Variants in ARHGAP24 observed in about 807,000 individuals in gnomAD.
ARHGAP24 encodes rho GTPase-activating protein 24.
Under a neutral mutation model 76.4 loss-of-function variants are expected in ARHGAP24, and 50 were observed. That is an observed-to-expected ratio of 0.65 (90% CI 0.52 to 0.83). The LOEUF (loss-of-function observed/expected upper bound fraction) is 0.83. Among genes scored for constraint, ARHGAP24 ranks in the 40% least tolerant of loss-of-function variants. The probability of loss-of-function intolerance (pLI) is 0.00; values close to 1 mark genes in which losing one functional copy is unlikely to be tolerated. For missense variants in ARHGAP24, 930 were observed against 914.2 expected (o/e 1.02, Z -0.22); for synonymous variants, 345 against 323.3 (o/e 1.07, Z -0.72).
chr4:85,921,817 C>A (rs1735734459), intron 3 of ARHGAP24, among the ~76,000 whole-genome samples: 3 of 152,172 alleles, frequency 2.0e-5, no homozygotes, highest in Non-Finnish European at 1.5e-5. Flanking sequence ...CTGTTGTGAA[C>A]TGCACCTGAG....
At chr4:85,986,268 T>G (rs1739986153) in intron 8 of ARHGAP24, among the ~76,000 whole-genome samples, 1 of 152,172 alleles carries the variant, frequency 6.6e-6, no homozygotes, top group Non-Finnish European at 1.5e-5. Flanking sequence ...ATATGTGCTT[T>G]CAAGGAAACC....
At chr4:85,768,074 G>C (rs1017737551) in intron 3 of ARHGAP24, among the ~76,000 whole-genome samples, 1 of 152,096 alleles carries the variant, frequency 6.6e-6, no homozygotes, top group Non-Finnish European at 1.5e-5. Context: ...GTTTATATGC[G>C]GCTGCTGTGT....
intron 1 of ARHGAP24, among the ~76,000 whole-genome samples, chr4:85,486,893 C>T (rs1030799319): frequency 5.3e-5 from 8 of 151,796 alleles, no homozygotes; most frequent in African/African-American, 9.7e-5. Flanking sequence ...TAGTTCCTAT[C>T]GCTCCTCCTG....
At chr4:85,793,678 A>G (rs1728224578) in intron 3 of ARHGAP24, among the ~76,000 whole-genome samples, 1 of 152,142 alleles carries the variant, frequency 6.6e-6, no homozygotes, top group Non-Finnish European at 1.5e-5. Flanking sequence ...AGATTAGAGT[A>G]TTTCCTGTCA....
chr4:85,845,077 G>C (rs190186201), intron 3 of ARHGAP24, among the ~76,000 whole-genome samples: 1 of 152,098 alleles, frequency 6.6e-6, no homozygotes, highest in Non-Finnish European at 1.5e-5. Context: ...CTTTAACCTT[G>C]AAGCAATAGT....
At chr4:85,652,966 T>C (rs1420765486) in intron 2 of ARHGAP24, among the ~76,000 whole-genome samples, 1 of 152,218 alleles carries the variant, frequency 6.6e-6, no homozygotes, top group Non-Finnish European at 1.5e-5. Context: ...GTGTTGACTT[T>C]CCTTGAATTT....
At chr4:85,588,717 T>C (rs1355811984) in intron 2 of ARHGAP24, among the ~76,000 whole-genome samples, 2 of 152,228 alleles carry the variant, frequency 1.3e-5, no homozygotes, top group African/African-American at 2.4e-5. Context: ...TCTGAGATAG[T>C]TTTAAATAAG....
At chr4:85,676,307 C>G (rs1323880987) in intron 2 of ARHGAP24, among the ~76,000 whole-genome samples, 1 of 152,204 alleles carries the variant, frequency 6.6e-6, no homozygotes. Context: ...AAAGCCATAT[C>G]AAATTAATGC....
intron 3 of ARHGAP24, among the ~76,000 whole-genome samples, chr4:85,918,038 G>A (rs1714331568): frequency 1.3e-5 from 2 of 151,776 alleles, no homozygotes; most frequent in South Asian, 4.2e-4. Flanking sequence ...GACACTCAAT[G>A]GAATAAATAC....
intron 2 of ARHGAP24, among the ~76,000 whole-genome samples, chr4:85,649,944 A>C (rs1003375646): frequency 3.9e-5 from 6 of 152,146 alleles, no homozygotes; most frequent in African/African-American, 1.4e-4. Flanking sequence ...AGGCTTAGAG[A>C]TATCAAGGTA....
intron 2 of ARHGAP24, among the ~76,000 whole-genome samples, chr4:85,669,266 T>C (rs986742158): frequency 6.6e-5 from 10 of 152,044 alleles, no homozygotes; most frequent in African/African-American, 2.2e-4. Flanking sequence ...TGTTATGTAA[T>C]TGAGGAATTT....
Position 86,000,586 on chromosome 4 carries a change from C to T in ARHGAP24, c.2111C>T (p.Ala704Val), listed in dbSNP as rs757483393. Residue 704 changes from alanine to valine, a missense_variant, in exon 10 of 10, where the codon GCC becomes GTC. Physicochemically the swap from Ala to Val is moderately conservative, Grantham distance 64. Transcript: ENST00000395184. ...ATGATAGAAATAAAAATGCGAAATG[C>T]CGAGCGAGCAAAAGAAGATGCCGAG... is the stretch of plus-strand genomic sequence containing the variant. ...FTMIEIKMRN[A>V]ERAKEDAEKR... is the part of the protein sequence containing the mutation. 1 of 1,613,400 alleles carries T rather than the reference C, an allele frequency of 6.2e-7. No homozygotes were observed. The highest frequency in any genetic ancestry group is 8.5e-7 in the Non-Finnish European group (1 of 1,179,856).
chr4:85,501,866 A>T (rs201599860), intron 1 of ARHGAP24, among the ~76,000 whole-genome samples: 159 of 151,918 alleles, frequency 1.0e-3, no homozygotes, highest in Admixed American at 3.2e-3. Flanking sequence ...GTCTAACATT[A>T]AAGTCTTTAA....
intron 3 of ARHGAP24, among the ~76,000 whole-genome samples, chr4:85,761,523 T>G (rs951974201): frequency 6.6e-6 from 1 of 152,146 alleles, no homozygotes; most frequent in South Asian, 2.1e-4. Context: ...AAGATAAAAC[T>G]GAGTGAAAGT....
At chr4:85,571,391 G>A (rs1727134809) in intron 2 of ARHGAP24, among the ~76,000 whole-genome samples, 1 of 152,170 alleles carries the variant, frequency 6.6e-6, no homozygotes, top group Non-Finnish European at 1.5e-5. Flanking sequence ...AGTTTTCTCA[G>A]GTTCATCATG....
chr4:85,731,367 T>C (rs1053340518), intron 3 of ARHGAP24, among the ~76,000 whole-genome samples: 2 of 152,228 alleles, frequency 1.3e-5, no homozygotes, highest in African/African-American at 2.4e-5. Context: ...CCTATTAGAT[T>C]GGAAGCTCTT....
At chr4:85,580,096 T>G (rs1228046294) in intron 2 of ARHGAP24, among the ~76,000 whole-genome samples, 1 of 152,086 alleles carries the variant, frequency 6.6e-6, no homozygotes, top group East Asian at 1.9e-4. Context: ...AAATCTCATC[T>G]GCGTCCCTCC....
intron 4 of ARHGAP24, among the ~76,000 whole-genome samples, chr4:85,927,026 A>T (rs1736057128): frequency 6.6e-6 from 1 of 152,202 alleles, no homozygotes; most frequent in Non-Finnish European, 1.5e-5. Context: ...TTTATGAGTC[A>T]TTCAAAAGTA....
intron 3 of ARHGAP24, among the ~76,000 whole-genome samples, chr4:85,855,094 A>T (rs899002221): frequency 1.3e-5 from 2 of 152,216 alleles, no homozygotes; most frequent in Admixed American, 1.3e-4. Flanking sequence ...GTATCAGTAG[A>T]TAGTATTCAA....
Sources: allele counts gnomAD v4.1 joint callset (sites outside exome capture counted in the v4.1 genomes callset), GRCh38; gene constraint gnomAD v4.1.1; transcripts MANE v1.5; gene names NCBI Gene and HGNC (gene_info 2026-07-23, HGNC 2026-07-21).